Variants in FGF1 observed in about 807,000 individuals in gnomAD.
The protein encoded by FGF1 is fibroblast growth factor 1, also known as beta-endothelial cell growth factor.
A neutral mutation model predicts 13.4 loss-of-function variants in FGF1; 9 were observed. The ratio of observed to expected loss-of-function variants is 0.67; its 90% CI spans 0.40 to 1.17. FGF1 has a LOEUF of 1.17. FGF1 is among the 50% of genes most tolerant of loss of function. The pLI, the probability that FGF1 is intolerant of heterozygous loss-of-function variation, is 0.01. For synonymous variants in FGF1, 93 were observed against 79.0 expected, an observed-to-expected ratio of 1.18 and a Z score of -0.94; for missense variants, 156 against 192.7, an observed-to-expected ratio of 0.81 and a Z score of 1.13.
intron 2 of FGF1, among the ~76,000 whole-genome samples, chr5:142,605,101 T>C (rs1237238167): frequency 6.6e-6 from 1 of 151,898 alleles, no homozygotes; most frequent in African/African-American, 2.4e-5. Context: ...TTTTTTTGTT[T>C]GTTTGTTTCT....
At chr5:142,651,640 AC>A in intron 1 of FGF1, among the ~76,000 whole-genome samples, 1 of 152,184 alleles carries the variant, frequency 6.6e-6, no homozygotes, top group South Asian at 2.1e-4. Context: ...TTCATGTTCT[AC>A]CAATCCATCC....
intron 1 of FGF1, among the ~76,000 whole-genome samples, chr5:142,617,262 G>A (rs1373950910): frequency 2.6e-5 from 4 of 152,294 alleles, no homozygotes; most frequent in Non-Finnish European, 1.5e-5. Flanking sequence ...CTACTCGGGA[G>A]GCTGAGGCAG....
chr5:142,671,760 T>C (rs1473151692), intron 1 of FGF1: 1 of 152,256 alleles, frequency 6.6e-6, no homozygotes, highest in Non-Finnish European at 1.5e-5. Context: ...ACGATAGCAA[T>C]GAACACGTTC....
chr5:142,676,798 C>A (rs987798917), intron 1 of FGF1, among the ~76,000 whole-genome samples: 1 of 152,184 alleles, frequency 6.6e-6, no homozygotes, highest in Non-Finnish European at 1.5e-5. Context: ...GTGTGGCCAA[C>A]TGAGTGAAGA....
intron 2 of FGF1, among the ~76,000 whole-genome samples, chr5:142,608,797 A>ATGTGTG (rs3083618): frequency 6.9e-6 from 1 of 144,716 alleles, no homozygotes; most frequent in Non-Finnish European, 1.5e-5. Flanking sequence ...GTGATATATT[A>ATGTGTG]TGTGTGTGTG....
rs529994538 is a variant in FGF1 at position 142,614,088 on chromosome 5, C to T, written c.40G>A (p.Glu14Lys). The change falls in exon 2 of 4, where the codon GAG becomes AAG. Residue 14 changes from glutamate to lysine, a missense_variant. Transcript: ENST00000337706. ...TTCCCTGGAGGCAGATTAAACTTCT[C>T]GGTCAGGGCTGTGAAGGTGGTGATT... is the stretch of plus-strand genomic sequence containing the variant. ...GEITTFTALT[E>K]KFNLPPGNYK... is the part of the protein sequence containing the mutation. The T allele has an allele frequency of 1.4e-5, 22 of 1,614,098 alleles. No individual in the cohort carries two copies. The highest frequency in any genetic ancestry group is 1.1e-4 in the South Asian group (10 of 91,092).
rs73279608 is a variant in FGF1 at position 142,623,101 on chromosome 5, A to C, written c.-34-8940T>G. ...AATTGGCAAATGCCAGGGCTTTTAA[A>C]ATTCTCCTTTTTTTTCCCCTCTGAT... is the stretch of plus-strand genomic sequence containing the variant. On this transcript the variant is annotated intron_variant, in intron 1 of 3. Transcript: ENST00000337706. 7.7e-3 allele frequency among the ~76,000 whole-genome samples: 1,177 copies of C among 152,308 alleles called. 18 individuals are homozygous for C. The highest frequency in any genetic ancestry group is 0.027 in the African/African-American group (1,121 of 41,544).
chr5:142,603,476 T>C (rs1757018348), intron 2 of FGF1, among the ~76,000 whole-genome samples: 1 of 152,130 alleles, frequency 6.6e-6, no homozygotes, highest in African/African-American at 2.4e-5. Flanking sequence ...GATTTTATTA[T>C]CTAGGGAGCT....
At chr5:142,686,966 C>G (rs1291521363), upstream of FGF1, among the ~76,000 whole-genome samples, 2 of 152,190 alleles carry the variant, frequency 1.3e-5, no homozygotes, top group South Asian at 4.1e-4. Flanking sequence ...ACAAATAACT[C>G]TTTGGCTAGA....
chr5:142,688,511 C>T (rs988549036), upstream of FGF1, among the ~76,000 whole-genome samples: 1 of 152,120 alleles, frequency 6.6e-6, no homozygotes, highest in Admixed American at 6.6e-5. Flanking sequence ...AAATAATAGC[C>T]GTCGAAGCTG....
chr5:142,687,989 C>A (rs755462690), upstream of FGF1, among the ~76,000 whole-genome samples: 1 of 152,214 alleles, frequency 6.6e-6, no homozygotes, highest in Non-Finnish European at 1.5e-5. Flanking sequence ...CAAATGTGTC[C>A]AAGTGTGTTC....
chr5:142,623,540 G>T (rs968673525), intron 1 of FGF1, among the ~76,000 whole-genome samples: 9 of 151,816 alleles, frequency 5.9e-5, no homozygotes, highest in Admixed American at 5.2e-4. Flanking sequence ...TAGAGACGGG[G>T]TTTCTACCAT....
chr5:142,690,388 A>T (rs17208929), upstream of FGF1, among the ~76,000 whole-genome samples: 21,303 of 152,044 alleles, frequency 0.14, 1,808 homozygotes, highest in Non-Finnish European at 0.19. Flanking sequence ...TAAAACGAAC[A>T]CTCTGTGCAC....
chr5:142,679,269 C>A (rs1561746328), intron 1 of FGF1, among the ~76,000 whole-genome samples: 1 of 152,152 alleles, frequency 6.6e-6, no homozygotes, highest in African/African-American at 2.4e-5. Flanking sequence ...CTTCCTCACA[C>A]CAGGCAACCT....
At chr5:142,609,283 T>C (rs1035539133) in intron 2 of FGF1, among the ~76,000 whole-genome samples, 3 of 152,114 alleles carry the variant, frequency 2.0e-5, no homozygotes, top group African/African-American at 4.8e-5. Flanking sequence ...GTGCAGTGAG[T>C]GGTGCCGGTA....
chr5:142,626,405 C>T (rs986669543), intron 1 of FGF1, among the ~76,000 whole-genome samples: 12 of 152,214 alleles, frequency 7.9e-5, no homozygotes, highest in Middle Eastern at 3.4e-3. Context: ...ATGGCAAAAG[C>T]GCAATTACTT....
intron 2 of FGF1, among the ~76,000 whole-genome samples, chr5:142,692,686 C>T (rs1338552854): frequency 8.0e-6 from 1 of 125,372 alleles, no homozygotes; most frequent in African/African-American, 3.4e-5. Context: ...CGCACACACG[C>T]ACACACACAC....
chr5:142,664,278 T>A (rs1164208140), intron 1 of FGF1, among the ~76,000 whole-genome samples: 10 of 152,188 alleles, frequency 6.6e-5, no homozygotes, highest in Non-Finnish European at 7.4e-5. Context: ...CAGCGTGCAC[T>A]GATGGGTCAG....
At chr5:142,663,276 T>C (rs935619664) in intron 1 of FGF1, among the ~76,000 whole-genome samples, 1 of 150,612 alleles carries the variant, frequency 6.6e-6, no homozygotes, top group African/African-American at 2.4e-5. Context: ...AAAAAGATAA[T>C]GAGCTTTTCC....
Sources: allele counts gnomAD v4.1 joint callset (sites outside exome capture counted in the v4.1 genomes callset), GRCh38; gene constraint gnomAD v4.1.1; transcripts MANE v1.5; gene names NCBI Gene and HGNC (gene_info 2026-07-23, HGNC 2026-07-21).